The following KLF17 variants were observed in gnomAD, a reference collection of about 807,000 sequenced individuals.
KLF17 encodes Krueppel-like factor 17.
Under a neutral mutation model 34.2 loss-of-function variants are expected in KLF17, and 31 were observed. The ratio of observed to expected loss-of-function variants is 0.91; its 90% CI spans 0.68 to 1.22. KLF17 has a LOEUF of 1.22. Ranked by LOEUF, KLF17 falls within the 50% of genes most tolerant of loss-of-function variation. The pLI, the probability that KLF17 is intolerant of heterozygous loss-of-function variation, is 0.00. For missense variants in KLF17, 478 were observed against 505.2 expected (o/e 0.95, Z 0.52); for synonymous variants, 179 against 186.7 (o/e 0.96, Z 0.34).
the KLF17 span, among the ~76,000 whole-genome samples, chr1:44,090,828 G>A: frequency 6.6e-6 from 1 of 151,782 alleles, no homozygotes; most frequent in Non-Finnish European, 1.5e-5. Flanking sequence ...AGTACCCAGG[G>A]GGAGAAAAAA....
chr1:44,085,241 A>G, the KLF17 span, among the ~76,000 whole-genome samples: 12 of 152,194 alleles, frequency 7.9e-5, no homozygotes, highest in Non-Finnish European at 1.8e-4. Flanking sequence ...GGGAAGACAG[A>G]AAGCAAACAA....
the KLF17 span, among the ~76,000 whole-genome samples, chr1:44,102,534 C>A: frequency 7.0e-6 from 1 of 142,094 alleles, no homozygotes. Context: ...GCCTGGGCAA[C>A]AAGAGCAAAA....
chr1:44,073,716 T>C, the KLF17 span, among the ~76,000 whole-genome samples: 1 of 152,094 alleles, frequency 6.6e-6, no homozygotes, highest in African/African-American at 2.4e-5. Context: ...TGCACTCCCC[T>C]GGGGAGCCCT....
intron 1 of KLF17, among the ~76,000 whole-genome samples, chr1:44,127,641 T>TTTCTTTCTTC (rs1557731776): frequency 2.0e-5 from 1 of 49,230 alleles, no homozygotes; most frequent in African/African-American, 1.0e-4. Context: ...TTTCTTTCCT[T>TTTCTTTCTTC]CTTTCTTTCT....
the KLF17 span, among the ~76,000 whole-genome samples, chr1:44,090,083 G>GC: frequency 6.7e-6 from 1 of 149,312 alleles, no homozygotes; most frequent in Non-Finnish European, 1.5e-5. Context: ...GCTGCAGTGA[G>GC]CTCTGACCAT....
At chr1:44,112,644 G>A in the KLF17 span, among the ~76,000 whole-genome samples, 3 of 152,124 alleles carry the variant, frequency 2.0e-5, no homozygotes, top group African/African-American at 7.2e-5. Context: ...CTGGGCTCAA[G>A]CAATTCTCCC....
At chr1:44,085,807 CAAAAAA>C in the KLF17 span, among the ~76,000 whole-genome samples, 13 of 63,624 alleles carry the variant, frequency 2.0e-4, no homozygotes, top group East Asian at 2.3e-3. Flanking sequence ...TCTGTCTCAA[CAAAAAA>C]AAAAAAAAAA....
At chr1:44,115,022 C>T (rs1009381685), upstream of KLF17, 8 of 152,182 alleles carry the variant, frequency 5.3e-5, no homozygotes, top group African/African-American at 1.4e-4. Context: ...GTATTAGACA[C>T]ATCCAAGTTT....
At chr1:44,087,727 TATATATATATATATATATA>T in the KLF17 span, among the ~76,000 whole-genome samples, 16 of 55,862 alleles carry the variant, frequency 2.9e-4, no homozygotes, top group Non-Finnish European at 4.2e-4. Context: ...ATATATTTTA[TATATATATATATATATATA>T]TATATATATA....
chr1:44,108,660 CTTTT>C, the KLF17 span, among the ~76,000 whole-genome samples: 9 of 75,344 alleles, frequency 1.2e-4, no homozygotes, highest in East Asian at 3.8e-4. Context: ...TTTGTTAGCT[CTTTT>C]TTTTTTTTTT....
At chr1:44,099,845 GAAAGAAAGA>G in the KLF17 span, among the ~76,000 whole-genome samples, 11 of 35,988 alleles carry the variant, frequency 3.1e-4, no homozygotes, top group African/African-American at 1.6e-3. Flanking sequence ...AAGAAAGAAA[GAAAGAAAGA>G]AAGAAAGAAA....
chr1:44,128,936 C>T (rs186758394), intron 1 of KLF17, among the ~76,000 whole-genome samples: 2 of 151,810 alleles, frequency 1.3e-5, no homozygotes, highest in African/African-American at 2.4e-5. Context: ...CACTTGAACC[C>T]GGGAGACAGA....
Position 44,118,983 on chromosome 1 carries a change from GC to G in KLF17, c.79del (p.Gln27ArgfsTer10). On this transcript the variant is annotated frameshift_variant, in exon 1 of 4. Coordinates refer to ENST00000372299, the MANE Select transcript of KLF17 (RefSeq NM_173484.4). LOFTEE classifies it high-confidence loss of function. ...LSRWQAAHQA[A>X]QDNENSAPIL... ...CCGGTGGCAGGCGGCGCACCAGGCT[GC>G]CCAGGTGAGTCAGGTGCCAGCCCCT... 1.9e-6 allele frequency: 3 copies of G among 1,606,440 alleles called. No individual in the cohort carries two copies. The highest frequency in any genetic ancestry group is 2.5e-6 in the Non-Finnish European group (3 of 1,176,940).
At chr1:44,078,628 G>A in the KLF17 span, among the ~76,000 whole-genome samples, 2 of 152,082 alleles carry the variant, frequency 1.3e-5, no homozygotes, top group Non-Finnish European at 2.9e-5. Flanking sequence ...GGTAGAGACA[G>A]GGTTTCACCG....
the KLF17 span, chr1:44,044,997 GT>G: frequency 6.6e-6 from 1 of 152,206 alleles, no homozygotes; most frequent in Non-Finnish European, 1.5e-5. Flanking sequence ...AGAGAGCAGT[GT>G]TTCCCTGTTT....
the KLF17 span, among the ~76,000 whole-genome samples, chr1:44,050,019 T>A: frequency 6.6e-6 from 1 of 152,240 alleles, no homozygotes; most frequent in East Asian, 1.9e-4. Context: ...TGATTCAGGA[T>A]GTCCGGTTAA....
chr1:44,127,563 C>A (rs189172271), intron 1 of KLF17, among the ~76,000 whole-genome samples: 3 of 151,728 alleles, frequency 2.0e-5, no homozygotes, highest in African/African-American at 7.3e-5. Flanking sequence ...CCTTGAACTC[C>A]TGACCTCAAG....
At chr1:44,117,330 G>A (rs2154311205), upstream of KLF17, 1 of 152,228 alleles carries the variant, frequency 6.6e-6, no homozygotes, top group East Asian at 1.9e-4. Flanking sequence ...AGACCTCCTG[G>A]GCTCAAGTGG....
chr1:44,122,619 G>A, intron 1 of KLF17: 1 of 664,506 alleles, frequency 1.5e-6, no homozygotes, highest in African/African-American at 1.8e-5. Context: ...TTTTGAGATA[G>A]AGTCTCACTC....
Sources: allele counts gnomAD v4.1 joint callset (sites outside exome capture counted in the v4.1 genomes callset), GRCh38; gene constraint gnomAD v4.1.1; transcripts MANE v1.5; gene names NCBI Gene and HGNC (gene_info 2026-07-23, HGNC 2026-07-21).